GALNTL6: variants seen among roughly 807,000 people sequenced by gnomAD.
The protein encoded by GALNTL6 is polypeptide N-acetylgalactosaminyltransferase like 6, also known as polypeptide N-acetylgalactosaminyltransferase-like 6.
Under a neutral mutation model 73.7 loss-of-function variants are expected in GALNTL6, and 46 were observed. That is an observed-to-expected ratio of 0.62 (90% confidence interval 0.49 to 0.80). GALNTL6 has a LOEUF of 0.80. GALNTL6 is among the 30% of genes least tolerant of loss of function. The pLI is 0.00. For missense variants in GALNTL6, 604 were observed against 755.0 expected, an observed-to-expected ratio of 0.80 and a Z score of 2.34; for synonymous variants, 259 against 263.7, an observed-to-expected ratio of 0.98 and a Z score of 0.17.
At chr4:172,820,620 C>T (rs1208079933) in intron 7 of GALNTL6, among the ~76,000 whole-genome samples, 2 of 152,138 alleles carry the variant, frequency 1.3e-5, no homozygotes, top group Admixed American at 1.3e-4. Flanking sequence ...TGTTCATTCT[C>T]CCTTTTATTC....
intron 5 of GALNTL6, among the ~76,000 whole-genome samples, chr4:172,408,126 G>A (rs527553720): frequency 1.3e-5 from 2 of 152,014 alleles, no homozygotes; most frequent in South Asian, 2.1e-4. Context: ...ATGTTTCTTG[G>A]CATCCCTTAT....
At chr4:172,090,772 G>A (rs1015330241) in intron 2 of GALNTL6, among the ~76,000 whole-genome samples, 6 of 152,108 alleles carry the variant, frequency 3.9e-5, no homozygotes, top group Non-Finnish European at 8.8e-5. Flanking sequence ...CCTTGCCCAT[G>A]CCTCTGTCCT....
chr4:172,961,953 G>C (rs1750078213), intron 10 of GALNTL6, among the ~76,000 whole-genome samples: 1 of 152,220 alleles, frequency 6.6e-6, no homozygotes, highest in South Asian at 2.1e-4. Context: ...GAGCAACAAG[G>C]CTGTTTATTT....
chr4:172,172,536 C>T lies in GALNTL6; in HGVS notation c.139-57120C>T, dbSNP rs532953244. On this transcript the variant is annotated intron_variant, in intron 2 of 12. Coordinates refer to ENST00000506823, the MANE Select transcript of GALNTL6 (RefSeq NM_001034845.3). Reference sequence around the variant, plus strand: ...TAAAGAAGAGATTAGGACACACACACACACAAACACACAAAGATCATGTAA... The same window carrying T: ...TAAAGAAGAGATTAGGACACACACATACACAAACACACAAAGATCATGTAA... Among the ~76,000 whole-genome samples, 7 of 152,144 alleles carry T rather than the reference C, an allele frequency of 4.6e-5. No individual in the cohort carries two copies. The East Asian group carries it at 1.4e-3, about 29-fold the overall frequency.
chr4:171,958,186 A>T (rs954093820), intron 2 of GALNTL6, among the ~76,000 whole-genome samples: 2 of 152,300 alleles, frequency 1.3e-5, no homozygotes, highest in East Asian at 3.9e-4. Flanking sequence ...GAACTTCACT[A>T]AAATCTCTGA....
intron 2 of GALNTL6, among the ~76,000 whole-genome samples, chr4:172,020,098 GAA>G (rs1416288193): frequency 6.6e-6 from 1 of 151,900 alleles, no homozygotes. Context: ...GAATAAAATT[GAA>G]AAGTTTCTTG....
chr4:172,080,746 A>G (rs1283398335), intron 2 of GALNTL6, among the ~76,000 whole-genome samples: 10 of 151,888 alleles, frequency 6.6e-5, no homozygotes, highest in Admixed American at 5.9e-4. Context: ...AGTCATTAAT[A>G]TAAGTCACTC....
intron 5 of GALNTL6, among the ~76,000 whole-genome samples, chr4:172,766,018 TGG>T (rs200672217): frequency 0.014 from 2,091 of 152,254 alleles, 48 homozygotes; most frequent in African/African-American, 0.048. Flanking sequence ...TCTCTAAGAC[TGG>T]ACTACCTACA....
chr4:172,406,705 G>A (rs1744249814), intron 5 of GALNTL6, among the ~76,000 whole-genome samples: 2 of 151,856 alleles, frequency 1.3e-5, no homozygotes, highest in Admixed American at 1.3e-4. Context: ...GAGTTTACTA[G>A]GCTAAATTTG....
chr4:172,755,222 T>C (rs1012585652), intron 5 of GALNTL6, among the ~76,000 whole-genome samples: 1 of 103,306 alleles, frequency 9.7e-6, no homozygotes, highest in Non-Finnish European at 2.1e-5. Context: ...AGATAAGAGA[T>C]AGATAAATGA....
chr4:171,909,370 G>A (rs1351409790), intron 2 of GALNTL6, among the ~76,000 whole-genome samples: 4 of 152,074 alleles, frequency 2.6e-5, no homozygotes, highest in African/African-American at 9.7e-5. Context: ...AAACTCAGCA[G>A]TATGGTCTTG....
At chr4:172,791,360 C>T (rs1739985593) in intron 5 of GALNTL6, among the ~76,000 whole-genome samples, 1 of 152,124 alleles carries the variant, frequency 6.6e-6, no homozygotes, top group Non-Finnish European at 1.5e-5. Context: ...CCCCAGTATC[C>T]TCCATTGAAA....
intron 5 of GALNTL6, among the ~76,000 whole-genome samples, chr4:172,589,528 AAGT>A (rs1737553601): frequency 6.6e-6 from 1 of 152,218 alleles, no homozygotes; most frequent in South Asian, 2.1e-4. Flanking sequence ...CTGAGAAGTT[AAGT>A]AACTGAGCTA....
At chr4:171,870,075 T>G (rs1166395015) in intron 2 of GALNTL6, among the ~76,000 whole-genome samples, 1 of 152,226 alleles carries the variant, frequency 6.6e-6, no homozygotes, top group Non-Finnish European at 1.5e-5. Context: ...TACTTCATTT[T>G]AATCTGATAT....
rs1461324138 is a variant in GALNTL6 at position 172,667,180 on chromosome 4, C to T, written c.554-142181C>T. ...TGTGGGGTAGTGGAGCGACTCCTAG[C>T]GGAATCTGTGTTCCATTAGCATTAC... On this transcript the variant is annotated intron_variant, in intron 5 of 12. Transcript: ENST00000506823. 7 of 152,200 alleles carry T rather than the reference C, an allele frequency of 4.6e-5. No homozygotes were observed. The East Asian group carries it at 9.6e-4, about 21-fold the overall frequency. 9.4% of individuals were successfully genotyped at this position (152,200 alleles called of 1,614,324 possible).
rs148117579 is a variant in GALNTL6 at position 172,950,335 on chromosome 4, G to C, written c.1150-1702G>C. On this transcript the variant is annotated intron_variant, in intron 9 of 12. Coordinates refer to ENST00000506823, the MANE Select transcript of GALNTL6 (RefSeq NM_001034845.3). Reference sequence around the variant, plus strand: ...AATCTCTCAGGGAACAATTCTCACAGTCTCAAGGTCATTAGCCTATCTTCC... The same window carrying C: ...AATCTCTCAGGGAACAATTCTCACACTCTCAAGGTCATTAGCCTATCTTCC... 3.0e-3 allele frequency among the ~76,000 whole-genome samples: 456 copies of C among 152,300 alleles called. 2 individuals carry two copies. The highest frequency in any genetic ancestry group is 5.3e-3 in the Non-Finnish European group (358 of 68,022).
intron 3 of GALNTL6, among the ~76,000 whole-genome samples, chr4:172,309,946 G>A (rs983574838): frequency 3.3e-5 from 5 of 151,836 alleles, no homozygotes; most frequent in Non-Finnish European, 7.4e-5. Context: ...TCCAAAAGCA[G>A]AACACTTGAA....
intron 2 of GALNTL6, among the ~76,000 whole-genome samples, chr4:172,007,384 A>G (rs10016778): frequency 0.94 from 142,340 of 152,054 alleles, 66,915 homozygotes; most frequent in East Asian, 1. Flanking sequence ...TAGTAGACAT[A>G]TAGCAACTGT....
chr4:172,839,728 T>A (rs185182504), intron 7 of GALNTL6, among the ~76,000 whole-genome samples: 2 of 152,308 alleles, frequency 1.3e-5, no homozygotes, highest in Admixed American at 1.3e-4. Context: ...ACAATGCCTG[T>A]TTGAAAATGT....
Sources: allele counts gnomAD v4.1 joint callset (sites outside exome capture counted in the v4.1 genomes callset), GRCh38; gene constraint gnomAD v4.1.1; transcripts MANE v1.5; gene names NCBI Gene and HGNC (gene_info 2026-07-23, HGNC 2026-07-21).